The following GIGYF2 variants were observed in gnomAD, a reference collection of about 807,000 sequenced individuals.
GIGYF2 encodes the protein GRB10-interacting GYF protein 2.
In GIGYF2, 25 loss-of-function variants were observed where a neutral mutation model predicts 208.1. The observed-to-expected ratio is 0.12, with a 90% confidence interval of 0.09 to 0.17. The LOEUF (loss-of-function observed/expected upper bound fraction) is 0.17, where lower values mean the gene tolerates loss of function less well. Among genes scored for constraint, GIGYF2 ranks in the 10% least tolerant of loss-of-function variants. GIGYF2 has a pLI of 1.00. For synonymous variants in GIGYF2, 534 were observed against 543.8 expected, an observed-to-expected ratio of 0.98 and a Z score of 0.25; for missense variants, 1,302 against 1,579.4, an observed-to-expected ratio of 0.82 and a Z score of 2.98.
At chr2:232,764,627 G>C (rs1280625528) in intron 8 of GIGYF2, 2 of 152,342 alleles carry the variant, frequency 1.3e-5, no homozygotes, top group African/African-American at 4.8e-5. Context: ...ACTTAGACTT[G>C]ATCTGTATGT....
At position 232,858,571 on chromosome 2, in the gene GIGYF2, T is replaced by G. The variant is rs933974878; in HGVS notation, c.*1711T>G. ...ACAAAACTTTAGGCTCCCTCGGAAC[T>G]TTTGCCAGTGTGGAGGAAAATAAAA... is the stretch of plus-strand genomic sequence containing the variant. On this transcript the variant is annotated 3_prime_UTR_variant, in exon 29 of 29. Coordinates refer to ENST00000373563, the MANE Select transcript of GIGYF2 (RefSeq NM_001103146.3). 6.6e-6 allele frequency: 3 copies of G among 455,702 alleles called. No homozygotes were observed. Among genetic ancestry groups the G allele is most frequent in the African/African-American group, 6.0e-5 (3 of 49,976 alleles). The allele number at this position is 455,702 out of a possible 1,614,324, so 28.2% of individuals were successfully genotyped here.
At chr2:232,851,947 G>A (rs1384908989) in intron 28 of GIGYF2, among the ~76,000 whole-genome samples, 2 of 152,172 alleles carry the variant, frequency 1.3e-5, no homozygotes, top group Admixed American at 1.3e-4. Flanking sequence ...GTAGGGGATA[G>A]AATTAACTGG....
chr2:232,751,787 AATT>A (rs1487273129), intron 5 of GIGYF2, among the ~76,000 whole-genome samples: 1 of 152,184 alleles, frequency 6.6e-6, no homozygotes, highest in Non-Finnish European at 1.5e-5. Context: ...ATTTTAAAGA[AATT>A]AGTGTGTAGT....
chr2:232,810,885 A>G (rs955846212), intron 16 of GIGYF2: 1 of 253,914 alleles, frequency 3.9e-6, no homozygotes, highest in African/African-American at 2.3e-5. Context: ...ACTAATTTGA[A>G]TCTGTTTCAT....
chr2:232,758,955 C>G (rs1264897362), intron 6 of GIGYF2, among the ~76,000 whole-genome samples: 4 of 152,134 alleles, frequency 2.6e-5, no homozygotes, highest in South Asian at 2.1e-4. Context: ...TGTGAGTTGA[C>G]TTTAAGTGAA....
intron 13 of GIGYF2, among the ~76,000 whole-genome samples, chr2:232,795,443 C>G (rs1034773687): frequency 5.3e-5 from 8 of 152,094 alleles, no homozygotes; most frequent in Admixed American, 2.0e-4. Context: ...TGGTTAGTGG[C>G]AGGAAATGCT....
chr2:232,751,814 G>A (rs538015576), intron 5 of GIGYF2, among the ~76,000 whole-genome samples: 6 of 152,232 alleles, frequency 3.9e-5, no homozygotes, highest in Admixed American at 2.6e-4. Flanking sequence ...TACACAAATC[G>A]TTTGGAAAAT....
intron 5 of GIGYF2, among the ~76,000 whole-genome samples, chr2:232,754,332 T>C (rs756097973): frequency 6.6e-6 from 1 of 152,184 alleles, no homozygotes; most frequent in African/African-American, 2.4e-5. Flanking sequence ...ATGATCTTTC[T>C]GTTTATGTTA....
intron 8 of GIGYF2, among the ~76,000 whole-genome samples, chr2:232,762,971 G>A (rs761875456): frequency 1.5e-4 from 23 of 151,758 alleles, no homozygotes; most frequent in East Asian, 3.9e-4. Flanking sequence ...GCAGTGAGCC[G>A]TGATCACACC....
At chr2:232,812,282 T>G in intron 17 of GIGYF2, 109 bp from the exon 18 acceptor site, 1 of 664,556 alleles carries the variant, frequency 1.5e-6, no homozygotes. Context: ...GAAGGCGTTT[T>G]CTAGCCAAAT....
chr2:232,754,425 A>C (rs1698454837), intron 5 of GIGYF2, among the ~76,000 whole-genome samples: 1 of 152,184 alleles, frequency 6.6e-6, no homozygotes, highest in African/African-American at 2.4e-5. Context: ...CCTTCTATAG[A>C]GATTATACTA....
At chr2:232,777,886 C>T (rs975041798) in intron 8 of GIGYF2, among the ~76,000 whole-genome samples, 5 of 152,102 alleles carry the variant, frequency 3.3e-5, no homozygotes, top group Admixed American at 1.3e-4. Flanking sequence ...AATACTGCTT[C>T]TAGAAAGCAG....
chr2:232,762,471 T>TTG (rs1045497915), intron 8 of GIGYF2, among the ~76,000 whole-genome samples: 6 of 152,126 alleles, frequency 3.9e-5, no homozygotes, highest in Admixed American at 3.9e-4. Context: ...CAGGCTGATC[T>TTG]TGAACTCCTG....
At chr2:232,848,356 C>T (rs773691218) in intron 27 of GIGYF2, among the ~76,000 whole-genome samples, 3 of 152,166 alleles carry the variant, frequency 2.0e-5, no homozygotes, top group Non-Finnish European at 4.4e-5. Context: ...CTTTACACAG[C>T]GAAATCTGGT....
rs138630834 is a variant in GIGYF2, at chr2:232,761,606, C to G, written c.532+170C>G. Reference sequence around the variant, plus strand: ...TGATGAATACAGCCATTAGGATTTACTTGACTTGGTCTGTGTGTTCTCTGC... The same window carrying G: ...TGATGAATACAGCCATTAGGATTTAGTTGACTTGGTCTGTGTGTTCTCTGC... On this transcript the variant is annotated intron_variant, in intron 8 of 28. Transcript: ENST00000373563. The G allele has an allele frequency of 7.0e-4, 395 of 562,700 alleles. 3 individuals are homozygous for G. The highest frequency in any genetic ancestry group is 5.4e-3 in the African/African-American group (284 of 52,596). 34.9% of individuals were successfully genotyped at this position (562,700 alleles called of 1,614,324 possible). A position where few individuals can be genotyped will look rare whatever the true frequency, so the allele number is the denominator to read the frequency against.
chr2:232,768,817 A>T (rs1033789623), intron 8 of GIGYF2: 1 of 1,601,750 alleles, frequency 6.2e-7, no homozygotes, highest in Non-Finnish European at 8.5e-7. Context: ...AAAGCACCTA[A>T]ATAAGAAATT....
chr2:232,711,506 A>G (rs181229666), intron 2 of GIGYF2, among the ~76,000 whole-genome samples: 47 of 151,588 alleles, frequency 3.1e-4, no homozygotes, highest in Non-Finnish European at 4.4e-4. Flanking sequence ...ACATAAATAT[A>G]TTTTTAATAT....
At chr2:232,747,410 T>G (rs1339797806) in intron 3 of GIGYF2, among the ~76,000 whole-genome samples, 1 of 152,164 alleles carries the variant, frequency 6.6e-6, no homozygotes, top group Non-Finnish European at 1.5e-5. Flanking sequence ...AATTGCCACA[T>G]GGTTGTCTAG....
At chr2:232,856,279 T>TA (rs532896059) in intron 28 of GIGYF2, among the ~76,000 whole-genome samples, 236 of 152,246 alleles carry the variant, frequency 1.6e-3, no homozygotes, top group Non-Finnish European at 2.8e-3. Context: ...TTTTCCTTCC[T>TA]AATTAGGTTA....
Sources: allele counts gnomAD v4.1 joint callset (sites outside exome capture counted in the v4.1 genomes callset), GRCh38; gene constraint gnomAD v4.1.1; transcripts MANE v1.5; gene names NCBI Gene and HGNC (gene_info 2026-07-23, HGNC 2026-07-21).